The following TRIM48 variants were observed in gnomAD, a reference collection of about 807,000 sequenced individuals.
TRIM48 encodes the protein tripartite motif containing 48.
In TRIM48, 31 loss-of-function variants were observed where a neutral mutation model predicts 29.5. That is an observed-to-expected ratio of 1.05 (90% CI 0.79 to 1.42). The LOEUF (loss-of-function observed/expected upper bound fraction) is 1.42, where lower values mean the gene tolerates loss of function less well. TRIM48 is among the 40% of genes most tolerant of loss of function. TRIM48 has a pLI of 0.00. For synonymous variants in TRIM48, 128 were observed against 90.6 expected, an observed-to-expected ratio of 1.41 and a Z score of -2.34; for missense variants, 344 against 265.0, an observed-to-expected ratio of 1.30 and a Z score of -2.07.
chr11:55,270,653 A>G lies in TRIM48; in HGVS notation c.*218A>G, dbSNP rs1031368449. On this transcript the variant is annotated 3_prime_UTR_variant, in exon 6 of 6. Coordinates refer to ENST00000417545, the MANE Select transcript of TRIM48 (RefSeq NM_024114.5). ...TGGAATTGGGCTTTTGGTGTCTGTA[A>G]TAAGTATTGGAAAGGGAAGAATCAG... 3.2e-6 allele frequency: 5 copies of G among 1,579,202 alleles called. 1 individual carries two copies. In the South Asian group the frequency reaches 3.6e-5, roughly 11 times the overall value.
Position 55,269,234 on chromosome 11 carries a change from C to G in TRIM48, c.579-8C>G, listed in dbSNP as rs1351510096. On this transcript the variant is annotated splice_polypyrimidine_tract_variant and splice_region_variant and intron_variant, in intron 4 of 5. Coordinates refer to ENST00000417545, the MANE Select transcript of TRIM48 (RefSeq NM_024114.5). ...GTAGATGTTGTAACTGCAGGTTTTT[C>G]CTTGCAGGAGTGAGTCCGTGCTGCT... 6.4e-7 allele frequency: 1 copy of G among 1,572,330 alleles called. No individual in the cohort carries two copies. The highest frequency in any genetic ancestry group is 8.6e-7 in the Non-Finnish European group (1 of 1,165,670).
chr11:55,265,808 A>AG lies in TRIM48; in HGVS notation c.555+113_555+114insG, dbSNP rs1335019253. 1.4e-4 allele frequency: 166 copies of AG among 1,229,216 alleles called. 9 individuals carry two copies. In the African/African-American group the frequency reaches 2.3e-3, roughly 17 times the overall value. The allele number at this position is 1,229,216 out of a possible 1,614,324, so 76.1% of individuals were successfully genotyped here. On this transcript the variant is annotated intron_variant, in intron 3 of 5. Coordinates refer to ENST00000417545, the MANE Select transcript of TRIM48 (RefSeq NM_024114.5). ...ATGTTTCTGGGAGTCAAAAAAAAAA[A>AG]AAAAAGAGAAGAAAACATTGAGAAA...
rs771933227 is a variant in TRIM48, at chr11:55,269,263, C to T, written c.600C>T (p.His200=). The T allele has an allele frequency of 3.2e-6, 5 of 1,575,962 alleles. No homozygotes were observed. In the African/African-American group the frequency reaches 6.8e-5, roughly 21 times the overall value. ...ILYRSESVLL[H]MPQPLNLALR... ...GCAGGAGTGAGTCCGTGCTGCTGCACATGCCCCAGCCTCTGAATCTAGCGC... is the reference window on the plus strand; with the variant it reads ...GCAGGAGTGAGTCCGTGCTGCTGCATATGCCCCAGCCTCTGAATCTAGCGC... Residue 200 remains histidine, a synonymous_variant, in exon 5 of 6, where the codon CAC becomes CAT. Coordinates refer to ENST00000417545, the MANE Select transcript of TRIM48 (RefSeq NM_024114.5).
chr11:55,268,402 T>G, intron 4 of TRIM48, 30 bp downstream of exon 4: 1 of 1,530,276 alleles, frequency 6.5e-7, no homozygotes, highest in Non-Finnish European at 8.9e-7. Context: ...TTAGCATATG[T>G]TCTTTCACTT....
rs909771321 is a variant in TRIM48 at position 55,270,588 on chromosome 11, C to T, written c.*153C>T. The T allele has an allele frequency of 6.3e-7, 1 of 1,583,468 alleles. No homozygotes were observed. Among genetic ancestry groups the T allele is most frequent in the Non-Finnish European group, 8.6e-7 (1 of 1,165,756 alleles). ...TTGCATGGGGTGCTCAGACTTTCAC[C>T]TCTGGCAAATATTACTGGGAGGTCC... On this transcript the variant is annotated 3_prime_UTR_variant, in exon 6 of 6. Coordinates refer to ENST00000417545, the MANE Select transcript of TRIM48 (RefSeq NM_024114.5).
At chr11:55,269,506 T>C (rs555062223) in intron 5 of TRIM48, among the ~76,000 whole-genome samples, 167 bp downstream of exon 5, 1 of 148,456 alleles carries the variant, frequency 6.7e-6, no homozygotes, top group Non-Finnish European at 1.5e-5. Context: ...GTCAGATTTA[T>C]AGCATTAAGA....
chr11:55,270,755 C>A lies in TRIM48; in HGVS notation c.*320C>A. The A allele has an allele frequency of 6.4e-7, 1 of 1,567,030 alleles. No homozygotes were observed. ...AACGACATTCAGTGCAGTCTCTTTACCACCTCCCCAATTACACTGCAGTAT... is the reference window on the plus strand; with the variant it reads ...AACGACATTCAGTGCAGTCTCTTTAACACCTCCCCAATTACACTGCAGTAT... On this transcript the variant is annotated 3_prime_UTR_variant, in exon 6 of 6. Coordinates refer to ENST00000417545, the MANE Select transcript of TRIM48 (RefSeq NM_024114.5).
At position 55,269,339 on chromosome 11, in the gene TRIM48, G is replaced by T. The variant is rs1461696263; in HGVS notation, c.*1G>T. The T allele has an allele frequency of 6.4e-7, 1 of 1,573,936 alleles. No homozygotes were observed. Among genetic ancestry groups the T allele is most frequent in the Non-Finnish European group, 8.6e-7 (1 of 1,165,738 alleles). On this transcript the variant is annotated splice_region_variant and 3_prime_UTR_variant, in exon 5 of 6. Coordinates refer to ENST00000417545, the MANE Select transcript of TRIM48 (RefSeq NM_024114.5). The stretch of plus-strand genomic sequence containing the variant: ...GAGGGACAGGCTCAACCAATTCTGA[G>T]GTAAGTCTCCACCCACAGGCAGCAC...
chr11:55,267,350 A>G, intron 3 of TRIM48: 2 of 1,500,802 alleles, frequency 1.3e-6, no homozygotes, highest in Non-Finnish European at 1.8e-6. Flanking sequence ...AATCAGTGAG[A>G]TTTAATAGGA....
At chr11:55,263,019 C>A (rs1174650364) in intron 1 of TRIM48, among the ~76,000 whole-genome samples, 1 of 151,944 alleles carries the variant, frequency 6.6e-6, no homozygotes, top group South Asian at 2.1e-4. Flanking sequence ...TTGCCAAAGA[C>A]CATAGTTTAT....
chr11:55,263,300 G>A (rs1440764597), intron 1 of TRIM48, among the ~76,000 whole-genome samples: 1 of 152,096 alleles, frequency 6.6e-6, no homozygotes. Context: ...TATACCATAG[G>A]TTTGTAGCAG....
In TRIM48 at chr11:55,265,013, C is replaced by A. The variant is rs752745365; in HGVS notation, c.158C>A (p.Pro53His). 2 of 1,584,388 alleles carry A rather than the reference C, an allele frequency of 1.3e-6. No individual in the cohort carries two copies. The highest frequency in any genetic ancestry group is 2.4e-5 in the East Asian group (1 of 41,414). Reference protein sequence around the residue: ...TIDCGHSFCRPCFYLNWQDIP... With the variant: ...TIDCGHSFCRHCFYLNWQDIP... ...GACTGTGGGCACAGCTTTTGCAGGC[C>A]CTGTTTCTACCTCAACTGGCAAGAC... The change falls in exon 2 of 6, where the codon CCC becomes CAC. Residue 53 changes from proline (P) to histidine (H), a missense_variant. By Grantham distance (77) the Pro-to-His change is moderately conservative (BLOSUM62 -2). Coordinates refer to ENST00000417545, the MANE Select transcript of TRIM48 (RefSeq NM_024114.5).
Position 55,268,188 on chromosome 11 carries a change from TTGAC to T in TRIM48, c.556-159_556-156del, listed in dbSNP as rs546337599. 6.6e-4 allele frequency among the ~76,000 whole-genome samples: 97 copies of T among 147,546 alleles called. 6 individuals are homozygous for T. The highest frequency in any genetic ancestry group is 2.1e-3 in the African/African-American group (83 of 40,398). ...GGGACATTAATTAGTGACAATATGA[TTGAC>T]TGGGTTTTTCATTACAGAAGAAATA... On this transcript the variant is annotated intron_variant, in intron 3 of 5. Coordinates refer to ENST00000417545, the MANE Select transcript of TRIM48 (RefSeq NM_024114.5).
Position 55,264,902 on chromosome 11 carries a change from A to G in TRIM48, c.47A>G (p.Asn16Ser), listed in dbSNP as rs199726300. 3.2e-6 allele frequency: 5 copies of G among 1,583,248 alleles called. No homozygotes were observed. Among genetic ancestry groups the G allele is most frequent in the East Asian group, 2.4e-5 (1 of 41,452 alleles). ...IVGTLQRTQR[N>S]MNSGISQVFQ... ...ACATGCTGCTCTTTCTTCCTCAGAA[A>G]CATGAATTCTGGAATCTCGCAAGTC... Residue 16 changes from asparagine to serine, a missense_variant and splice_region_variant, in exon 2 of 6, where the codon AAC becomes AGC. Coordinates refer to ENST00000417545, the MANE Select transcript of TRIM48 (RefSeq NM_024114.5).
chr11:55,265,839 G>T (rs1229822555), intron 3 of TRIM48, 144 bp downstream of exon 3: 3 of 1,098,500 alleles, frequency 2.7e-6, no homozygotes, highest in East Asian at 3.0e-5. Context: ...AGAAAAAATG[G>T]TCTCATTTCT....
intron 3 of TRIM48, among the ~76,000 whole-genome samples, chr11:55,266,136 G>A (rs1319848450): frequency 6.8e-6 from 1 of 147,456 alleles, no homozygotes; most frequent in Admixed American, 6.9e-5. Context: ...GAGGCAGAAA[G>A]AGTGACAGGG....
At position 55,270,583 on chromosome 11, in the gene TRIM48, T is replaced by G; in HGVS notation, c.*148T>G. The G allele has an allele frequency of 6.3e-7, 1 of 1,583,644 alleles. No individual in the cohort carries two copies. The highest frequency in any genetic ancestry group is 8.6e-7 in the Non-Finnish European group (1 of 1,165,828). ...TTTTCTTGCATGGGGTGCTCAGACT[T>G]TCACCTCTGGCAAATATTACTGGGA... On this transcript the variant is annotated 3_prime_UTR_variant, in exon 6 of 6. Transcript: ENST00000417545.
In TRIM48 at chr11:55,265,500, G is replaced by A. The variant is rs112086879; in HGVS notation, c.460-100G>A. 1.7e-3 allele frequency: 2,467 copies of A among 1,488,134 alleles called. 222 individuals carry two copies. In the African/African-American group the frequency reaches 0.029, roughly 18 times the overall value. The allele number at this position is 1,488,134 out of a possible 1,614,324, so 92.2% of individuals were successfully genotyped here. A position where few individuals can be genotyped will look rare whatever the true frequency, so the allele number is the denominator to read the frequency against. ...GAAACAGAAGAAATGCCATTTACTA[G>A]GGACTTATTTGTCTCTCATTCTGGG... On this transcript the variant is annotated intron_variant, in intron 2 of 5. Coordinates refer to ENST00000417545, the MANE Select transcript of TRIM48 (RefSeq NM_024114.5).
At chr11:55,264,704 T>G (rs1857359209) in intron 1 of TRIM48, among the ~76,000 whole-genome samples, 196 bp from the exon 2 acceptor site, 1 of 148,036 alleles carries the variant, frequency 6.8e-6, no homozygotes, top group Non-Finnish European at 1.5e-5. Flanking sequence ...TTGTGAGGCA[T>G]CTAGTCAGTA....
Sources: gnomAD v4.1 joint callset for allele counts (sites outside exome capture counted in the v4.1 genomes callset) on GRCh38, gnomAD v4.1.1 for gene constraint, MANE v1.5 for transcripts, NCBI Gene and HGNC (gene_info 2026-07-23, HGNC 2026-07-21) for gene names.